The following TRAPPC10 variants were observed in gnomAD, a reference collection of about 807,000 sequenced individuals.
The protein encoded by TRAPPC10 is trafficking protein particle complex subunit 10.
A neutral mutation model predicts 125.5 loss-of-function variants in TRAPPC10; 23 were observed. The ratio of observed to expected loss-of-function variants is 0.18; its 90% CI spans 0.13 to 0.26. TRAPPC10 has a LOEUF of 0.26. Among genes scored for constraint, TRAPPC10 ranks in the 10% least tolerant of loss-of-function variants. The pLI is 1.00. For synonymous variants in TRAPPC10, 509 were observed against 518.0 expected, an observed-to-expected ratio of 0.98 and a Z score of 0.24; for missense variants, 1,123 against 1,308.4, an observed-to-expected ratio of 0.86 and a Z score of 2.19.
chr21:44,030,628 G>A (rs1354631993), intron 1 of TRAPPC10, among the ~76,000 whole-genome samples: 2 of 151,936 alleles, frequency 1.3e-5, no homozygotes, highest in African/African-American at 2.4e-5. Flanking sequence ...CACCACGCCC[G>A]GCTAATTTTG....
intron 13 of TRAPPC10, 139 bp downstream of exon 13, chr21:44,080,266 A>C: frequency 1.4e-6 from 1 of 721,504 alleles, no homozygotes; most frequent in East Asian, 2.8e-5. Context: ...TATGTCTTTC[A>C]CCTGACTTTT....
chr21:44,036,474 C>T (rs752869977), intron 2 of TRAPPC10, among the ~76,000 whole-genome samples: 1 of 152,234 alleles, frequency 6.6e-6, no homozygotes, highest in Non-Finnish European at 1.5e-5. Context: ...AGTTCTGCCC[C>T]ATCACTTCTG....
rs779816335 is a variant in TRAPPC10, at chr21:44,074,384, C to G, written c.1099C>G (p.Gln367Glu). The change falls in exon 8 of 23, where the codon CAG becomes GAG. Residue 367 changes from glutamine to glutamate, a missense_variant. By Grantham distance (29) the Gln-to-Glu change is conservative. Transcript: ENST00000291574. ...GTTTCTGAGCTGTCTGGAGGTGTTGCAGAGGATAGAAGGCTGCTGTGACCG... is the reference window on the plus strand; with the variant it reads ...GTTTCTGAGCTGTCTGGAGGTGTTGGAGAGGATAGAAGGCTGCTGTGACCG... The part of the protein sequence containing the change: ...WVFLSCLEVL[Q>E]RIEGCCDRAQ... The G allele has an allele frequency of 5.0e-6, 8 of 1,614,196 alleles. No homozygotes were observed. Among genetic ancestry groups the G allele is most frequent in the Non-Finnish European group, 6.8e-6 (8 of 1,180,036 alleles).
intron 19 of TRAPPC10, 119 bp from the exon 20 acceptor site, chr21:44,093,944 G>A (rs1369973180): frequency 7.6e-6 from 8 of 1,055,814 alleles, no homozygotes; most frequent in African/African-American, 1.6e-5. Context: ...GCTGTGAGGC[G>A]GGGCCTGCCC....
At chr21:44,095,982 T>G (rs771964746) in intron 20 of TRAPPC10, among the ~76,000 whole-genome samples, 2 of 121,444 alleles carry the variant, frequency 1.6e-5, no homozygotes, top group Non-Finnish European at 3.4e-5. Flanking sequence ...ACTGCCAACT[T>G]TTTCCAGAGG....
At chr21:44,035,810 T>G (rs1182785968) in intron 2 of TRAPPC10, among the ~76,000 whole-genome samples, 1 of 152,132 alleles carries the variant, frequency 6.6e-6, no homozygotes, top group Non-Finnish European at 1.5e-5. Flanking sequence ...AAAAAATAAT[T>G]ACTTTGATAA....
At chr21:44,041,634 A>G (rs1255444858) in intron 3 of TRAPPC10, among the ~76,000 whole-genome samples, 2 of 152,096 alleles carry the variant, frequency 1.3e-5, no homozygotes, top group Non-Finnish European at 2.9e-5. Flanking sequence ...AGCCTCTCAA[A>G]GTTTTGGGAT....
At chr21:44,094,505 T>C (rs2038798204) in intron 20 of TRAPPC10, among the ~76,000 whole-genome samples, 1 of 152,222 alleles carries the variant, frequency 6.6e-6, no homozygotes. Context: ...TCCTTTTTTC[T>C]TCTATCTTTT....
Position 44,059,150 on chromosome 21 carries a change from C to T in TRAPPC10, c.726C>T (p.Ala242=). 1.2e-6 allele frequency: 2 copies of T among 1,611,070 alleles called. No individual in the cohort carries two copies. Among genetic ancestry groups the T allele is most frequent in the South Asian group, 2.2e-5 (2 of 90,524 alleles). ...AGATGCTGCAGCAGTTCGAGGACGC[C>T]CTGGTGCAGTACGACGAACTGGACG... The part of the protein sequence containing the change: ...VFEMLQQFED[A]LVQYDELDAL... The change falls in exon 6 of 23, where the codon GCC becomes GCT. Residue 242 remains alanine, a synonymous_variant. Coordinates refer to ENST00000291574, the MANE Select transcript of TRAPPC10 (RefSeq NM_003274.5). This position sits in a 1 kb window ranked among gnomAD's most constrained non-coding sequence, Gnocchi z 4.4.
rs993756587 is a variant in TRAPPC10, at chr21:44,040,778, T to A, written c.285+2851T>A. 2.8e-3 allele frequency among the ~76,000 whole-genome samples: 423 copies of A among 151,776 alleles called. 3 individuals carry two copies. The highest frequency in any genetic ancestry group is 1.0e-2 in the African/African-American group (414 of 41,402). On this transcript the variant is annotated intron_variant, in intron 3 of 22. Coordinates refer to ENST00000291574, the MANE Select transcript of TRAPPC10 (RefSeq NM_003274.5). ...GCTGGGACCACGCCTGCCTTTTTTT[T>A]TTTTTTTTGGTGTTTTTAGTAGAGA... is the stretch of plus-strand genomic sequence containing the variant.
At chr21:44,060,502 G>T (rs185231880) in intron 6 of TRAPPC10, among the ~76,000 whole-genome samples, 2 of 152,088 alleles carry the variant, frequency 1.3e-5, no homozygotes, top group African/African-American at 4.8e-5. Flanking sequence ...GGATGGTCTC[G>T]ATCTCCTGAC....
rs545377377 is a variant in TRAPPC10 at position 44,017,360 on chromosome 21, C to T, written c.67+4800C>T. Among the ~76,000 whole-genome samples the T allele has an allele frequency of 2.6e-5, 4 of 152,146 alleles. No homozygotes were observed. In the South Asian group the frequency reaches 6.2e-4, roughly 24 times the overall value. Reference sequence around the variant, plus strand: ...GAAACGGGTACAGTACCAACCCCATCGGGTTGAGAAGGGTGTGTAAAGCAC... The same window carrying T: ...GAAACGGGTACAGTACCAACCCCATTGGGTTGAGAAGGGTGTGTAAAGCAC... On this transcript the variant is annotated intron_variant, in intron 1 of 22. Transcript: ENST00000291574.
At chr21:44,062,228 G>A (rs938093020) in intron 6 of TRAPPC10, among the ~76,000 whole-genome samples, 3 of 152,170 alleles carry the variant, frequency 2.0e-5, no homozygotes, top group Non-Finnish European at 4.4e-5. Flanking sequence ...AAGATGGTTC[G>A]TTTTTGTTCT....
intron 4 of TRAPPC10, among the ~76,000 whole-genome samples, chr21:44,055,363 G>A (rs1347086717): frequency 6.6e-6 from 1 of 152,126 alleles, no homozygotes; most frequent in Non-Finnish European, 1.5e-5. Context: ...GCCGAGGCAG[G>A]AGGATTGTTT....
rs543084889 is a variant in TRAPPC10, at chr21:44,068,790, T to C, written c.1038+5005T>C. 7.9e-5 allele frequency among the ~76,000 whole-genome samples: 12 copies of C among 151,912 alleles called. No individual in the cohort carries two copies. The South Asian group carries it at 2.5e-3, about 32-fold the overall frequency. On this transcript the variant is annotated intron_variant, in intron 7 of 22. Transcript: ENST00000291574. ...TAATTTTTGTATTTTTTGGCAGAGATGGGGTTTCACTATGTTGCCCAGGCT... is the reference window on the plus strand; with the variant it reads ...TAATTTTTGTATTTTTTGGCAGAGACGGGGTTTCACTATGTTGCCCAGGCT...
Position 44,074,613 on chromosome 21 carries a change from G to A in TRAPPC10, c.1185+143G>A, listed in dbSNP as rs563444965. 8.9e-6 allele frequency: 10 copies of A among 1,123,944 alleles called. No individual in the cohort carries two copies. In the African/African-American group the frequency reaches 1.2e-4, roughly 14 times the overall value. 69.6% of individuals were successfully genotyped at this position (1,123,944 alleles called of 1,614,324 possible). A position where few individuals can be genotyped will look rare whatever the true frequency, so the allele number is the denominator to read the frequency against. ...TTTAGTGGCCCTAGAAGGTGTCTGGGTGCAGCCAAAGAAGTCATAGTTCCC... is the reference window on the plus strand; with the variant it reads ...TTTAGTGGCCCTAGAAGGTGTCTGGATGCAGCCAAAGAAGTCATAGTTCCC... On this transcript the variant is annotated intron_variant, in intron 8 of 22. Coordinates refer to ENST00000291574, the MANE Select transcript of TRAPPC10 (RefSeq NM_003274.5).
intron 7 of TRAPPC10, among the ~76,000 whole-genome samples, chr21:44,064,303 ATGTGTGTGTGTG>A (rs10526131): frequency 0.29 from 42,825 of 148,222 alleles, 7,628 homozygotes; most frequent in African/African-American, 0.51. Flanking sequence ...TGTCATAAAT[ATGTGTGTGTGTG>A]TGTGTGTGTG....
intron 1 of TRAPPC10, among the ~76,000 whole-genome samples, chr21:44,016,705 C>G (rs2031880823): frequency 6.6e-6 from 1 of 152,138 alleles, no homozygotes; most frequent in Non-Finnish European, 1.5e-5. Context: ...GTTGCCCAGG[C>G]TGGAGTGCAG....
chr21:44,072,759 C>T (rs555733841), intron 7 of TRAPPC10, among the ~76,000 whole-genome samples: 134 of 152,314 alleles, frequency 8.8e-4, no homozygotes, highest in Non-Finnish European at 1.4e-3. Flanking sequence ...CCACCGCGCC[C>T]GGCCTCTCCT....
Sources: allele counts gnomAD v4.1 joint callset (sites outside exome capture counted in the v4.1 genomes callset), GRCh38; gene constraint gnomAD v4.1.1; non-coding constraint Gnocchi (gnomAD v3.1); transcripts MANE v1.5; gene names NCBI Gene and HGNC (gene_info 2026-07-23, HGNC 2026-07-21).